The following PDE4D variants were observed in gnomAD, a reference collection of about 807,000 sequenced individuals.
The protein encoded by PDE4D is phosphodiesterase 4D.
PDE4D carries 24 observed loss-of-function variants against 87.4 expected under a neutral mutation model. That is an observed-to-expected ratio of 0.27 (90% CI 0.20 to 0.39). The LOEUF is 0.39. Ranked by LOEUF, PDE4D falls within the 10% of genes least tolerant of loss-of-function variation. The pLI is 1.00. For synonymous variants in PDE4D, 384 were observed against 383.2 expected, an observed-to-expected ratio of 1.00 and a Z score of -0.02; for missense variants, 714 against 1,041.0, an observed-to-expected ratio of 0.69 and a Z score of 4.32.
At chr5:60,466,918 A>G (rs1168978150) in intron 1 of PDE4D, among the ~76,000 whole-genome samples, 1 of 143,404 alleles carries the variant, frequency 7.0e-6, no homozygotes, top group Admixed American at 7.4e-5. Context: ...CTTGTCATGG[A>G]AAAATATGGC....
rs142126707 is a variant in PDE4D at position 59,045,669 on chromosome 5, G to A, written c.809-6698C>T. ...GAAATCTGAGAAATCCTCAGCCACT[G>A]GCCATCTCAAAGACTGGCCATGTCA... On this transcript the variant is annotated intron_variant, in intron 5 of 14. Transcript: ENST00000340635. Among the ~76,000 whole-genome samples, 974 of 152,048 alleles carry A rather than the reference G, an allele frequency of 6.4e-3. 10 individuals carry two copies. Among genetic ancestry groups the A allele is most frequent in the African/African-American group, 0.022 (912 of 41,482 alleles).
In PDE4D at chr5:60,250,763, T is replaced by A. The variant is rs1232774811; in HGVS notation, c.-89-65076A>T. On this transcript the variant is annotated intron_variant, in intron 1 of 16. Transcript: ENST00000502484. ...TAATTTATGTGTTTACTATACTTTT[T>A]ATCATTACTTTAGAGTGTGGTCCTT... 3.9e-5 allele frequency among the ~76,000 whole-genome samples: 6 copies of A among 152,116 alleles called. No individual in the cohort carries two copies. In the East Asian group the frequency reaches 5.8e-4, roughly 15 times the overall value.
intron 1 of PDE4D, chr5:59,586,584 A>G: frequency 2.9e-6 from 4 of 1,372,130 alleles, no homozygotes; most frequent in Non-Finnish European, 3.7e-6. Context: ...TGAAAAAAGA[A>G]ACATCACAGA....
intron 1 of PDE4D, among the ~76,000 whole-genome samples, chr5:59,385,745 A>G (rs1012173492): frequency 2.0e-5 from 3 of 152,128 alleles, no homozygotes; most frequent in Non-Finnish European, 4.4e-5. Context: ...AGAAACCCCA[A>G]CTGAACCAGA....
At chr5:59,768,178 A>G in intron 1 of PDE4D, 1 of 1,557,070 alleles carries the variant, frequency 6.4e-7, no homozygotes, top group Admixed American at 1.8e-5. Context: ...CCCCAAAATT[A>G]AAGGCGCGAG....
In PDE4D at chr5:59,877,261, G is replaced by T. The variant is rs192122718; in HGVS notation, c.455+15907C>A. 7.2e-5 allele frequency among the ~76,000 whole-genome samples: 11 copies of T among 152,220 alleles called. No individual in the cohort carries two copies. The South Asian group carries it at 1.0e-3, about 14-fold the overall frequency. On this transcript the variant is annotated intron_variant, in intron 1 of 14. Transcript: ENST00000340635. ...TGTAAGAGGTATATCAAATGCAAAG[G>T]CTTGTTAAGTGTGATTAACAGATTA...
In PDE4D at chr5:59,857,763, AT is replaced by A. The variant is rs141623669; in HGVS notation, c.455+35404del. ...ATACAGGTGAGGAAGAGCTAAAAAAATCTATAACATCAAATGAGAACTCATT... is the reference window on the plus strand; with the variant it reads ...ATACAGGTGAGGAAGAGCTAAAAAAACTATAACATCAAATGAGAACTCATT... On this transcript the variant is annotated intron_variant, in intron 1 of 14. Coordinates refer to ENST00000340635, the MANE Select transcript of PDE4D (RefSeq NM_001104631.2). Among the ~76,000 whole-genome samples, 971 of 152,234 alleles carry A rather than the reference AT, an allele frequency of 6.4e-3. 7 individuals are homozygous for A. The highest frequency in any genetic ancestry group is 9.7e-3 in the Non-Finnish European group (657 of 68,020).
At chr5:59,471,875 G>C (rs550699384) in intron 1 of PDE4D, among the ~76,000 whole-genome samples, 30 of 152,176 alleles carry the variant, frequency 2.0e-4, no homozygotes, top group Middle Eastern at 3.4e-3. Flanking sequence ...TAGCTACTCC[G>C]TGATTAAGAG....
intron 6 of PDE4D, among the ~76,000 whole-genome samples, chr5:59,026,709 G>A (rs1756320688): frequency 6.6e-6 from 1 of 151,994 alleles, no homozygotes; most frequent in South Asian, 2.1e-4. Context: ...GATATAGGAT[G>A]GGAAGAAGAT....
chr5:59,946,196 CACATCT>C (rs1391650976), intron 3 of PDE4D, among the ~76,000 whole-genome samples: 2 of 152,200 alleles, frequency 1.3e-5, no homozygotes, highest in African/African-American at 4.8e-5. Context: ...CTATCTCTGT[CACATCT>C]GCCACCCAAG....
rs1208323931 is a variant in PDE4D at position 59,668,845 on chromosome 5, G to GGAAGAAGAAGAAGAAGAAGAA, written c.455+224302_455+224322dup. Among the ~76,000 whole-genome samples the GGAAGAAGAAGAAGAAGAAGAA allele has an allele frequency of 3.4e-4, 21 of 62,122 alleles. 2 individuals are homozygous for GGAAGAAGAAGAAGAAGAAGAA. Among genetic ancestry groups the GGAAGAAGAAGAAGAAGAAGAA allele is most frequent in the Non-Finnish European group, 2.8e-4 (9 of 31,652 alleles). 40.8% of individuals were successfully genotyped at this position (62,122 alleles called of 152,430 possible). ...AAGAAGAAGAAGAGGAAGAGGAAGA[G>GGAAGAAGAAGAAGAAGAAGAA]GAAGAAGAAGAAGAAGAAGAAGAAG... On this transcript the variant is annotated intron_variant, in intron 1 of 14. Coordinates refer to ENST00000340635, the MANE Select transcript of PDE4D (RefSeq NM_001104631.2).
chr5:60,349,342 C>T (rs570393066), intron 1 of PDE4D, among the ~76,000 whole-genome samples: 5 of 152,176 alleles, frequency 3.3e-5, no homozygotes, highest in South Asian at 4.1e-4. Context: ...TTCCTAGTTA[C>T]GATGAATAAA....
intron 6 of PDE4D, among the ~76,000 whole-genome samples, chr5:59,002,699 G>C (rs1580217053): frequency 1.3e-5 from 2 of 152,166 alleles, no homozygotes; most frequent in South Asian, 4.1e-4. Context: ...TCAGCTTTCA[G>C]ATAGCTACCC....
At chr5:60,357,972 T>C (rs1292510537) in intron 1 of PDE4D, among the ~76,000 whole-genome samples, 1 of 152,212 alleles carries the variant, frequency 6.6e-6, no homozygotes, top group Non-Finnish European at 1.5e-5. Context: ...AAGTACACAG[T>C]ATCTCATTTA....
intron 2 of PDE4D, among the ~76,000 whole-genome samples, chr5:60,108,547 G>A (rs1777301063): frequency 6.6e-6 from 1 of 152,180 alleles, no homozygotes; most frequent in African/African-American, 2.4e-5. Flanking sequence ...AGCTCGCGTT[G>A]CCAAATGAAT....
intron 1 of PDE4D, among the ~76,000 whole-genome samples, chr5:59,495,779 T>C (rs908643689): frequency 6.6e-6 from 1 of 152,130 alleles, no homozygotes; most frequent in East Asian, 1.9e-4. Flanking sequence ...ACTGGAGAAG[T>C]GGCTCGCTTC....
chr5:59,720,930 C>T (rs932064662), intron 1 of PDE4D, among the ~76,000 whole-genome samples: 9 of 152,092 alleles, frequency 5.9e-5, no homozygotes, highest in African/African-American at 2.2e-4. Flanking sequence ...GGGTTCTATA[C>T]AAATGTAGAT....
At chr5:59,562,269 T>A (rs948026616) in intron 1 of PDE4D, among the ~76,000 whole-genome samples, 1 of 152,206 alleles carries the variant, frequency 6.6e-6, no homozygotes, top group Non-Finnish European at 1.5e-5. Flanking sequence ...CATATTCCTA[T>A]CACAAAAGGG....
intron 1 of PDE4D, among the ~76,000 whole-genome samples, chr5:59,804,710 C>T (rs542852159): frequency 9.9e-5 from 15 of 152,214 alleles, no homozygotes; most frequent in African/African-American, 3.1e-4. Flanking sequence ...AACTTAAAAA[C>T]GAGGAAATCC....
Sources: gnomAD v4.1 joint callset for allele counts (sites outside exome capture counted in the v4.1 genomes callset) on GRCh38, gnomAD v4.1.1 for gene constraint, MANE v1.5 for transcripts, NCBI Gene and HGNC (gene_info 2026-07-23, HGNC 2026-07-21) for gene names.